MED13L: variants seen among roughly 807,000 people sequenced by gnomAD.
MED13L encodes the protein mediator complex subunit 13L, also known as mediator of RNA polymerase II transcription subunit 13-like.
A neutral mutation model predicts 220.9 loss-of-function variants in MED13L; 7 were observed. The observed-to-expected ratio is 0.03, with a 90% CI of 0.02 to 0.06. The LOEUF (loss-of-function observed/expected upper bound fraction) is 0.06. Ranked by LOEUF, MED13L falls within the 10% of genes least tolerant of loss-of-function variation. MED13L has a pLI of 1.00. For synonymous variants in MED13L, 1,011 were observed against 1,015.2 expected (o/e 1.00, Z 0.08); for missense variants, 1,965 against 2,760.5 (o/e 0.71, Z 6.46).
chr12:115,992,670 C>G (rs1435247115), intron 16 of MED13L, among the ~76,000 whole-genome samples: 1 of 152,164 alleles, frequency 6.6e-6, no homozygotes, highest in African/African-American at 2.4e-5. Context: ...TAGGTGGTTG[C>G]ACAGAAGTAC....
chr12:116,253,753 GTTTTTTTTTTTTTTT>G (rs746923184), intron 1 of MED13L, among the ~76,000 whole-genome samples: 2 of 76,492 alleles, frequency 2.6e-5, no homozygotes, highest in Non-Finnish European at 5.0e-5. Flanking sequence ...GGTTTTTTTT[GTTTTTTTTTTTTTTT>G]TTTTTTTTTT....
intron 4 of MED13L, among the ~76,000 whole-genome samples, chr12:116,041,322 C>CAGGA (rs1881512508): frequency 6.6e-6 from 1 of 152,120 alleles, no homozygotes. Context: ...CCTTCTACCA[C>CAGGA]GATTGTAAGT....
chr12:116,031,355 G>A (rs551189912), intron 4 of MED13L, among the ~76,000 whole-genome samples: 101 of 151,884 alleles, frequency 6.6e-4, no homozygotes, highest in African/African-American at 2.1e-3. Context: ...AGAGGCGGGC[G>A]GATCACGAGG....
At chr12:116,271,086 C>G (rs1275393883) in intron 1 of MED13L, among the ~76,000 whole-genome samples, 1 of 115,668 alleles carries the variant, frequency 8.6e-6, no homozygotes, top group African/African-American at 3.2e-5. Flanking sequence ...ATTATCTGAA[C>G]AAGCTCAGAA....
chr12:116,213,231 G>C (rs1882808162), intron 2 of MED13L, among the ~76,000 whole-genome samples: 1 of 151,968 alleles, frequency 6.6e-6, no homozygotes, highest in African/African-American at 2.4e-5. Context: ...GGGCAGACAA[G>C]GTGGACAAGA....
At chr12:116,035,021 A>G (rs1319162633) in intron 4 of MED13L, among the ~76,000 whole-genome samples, 3 of 152,130 alleles carry the variant, frequency 2.0e-5, no homozygotes, top group Non-Finnish European at 2.9e-5. Context: ...AAACAAAACA[A>G]AACAAAACAA....
In MED13L at chr12:115,982,369, C is replaced by A; in HGVS notation, c.5175+15G>T. On this transcript the variant is annotated intron_variant, in intron 22 of 30. Transcript: ENST00000281928. ...AACAACATCAAAAGTAAATAATAAA[C>A]TTGCAAACAGTAACCTGGAGAATGA... 1.3e-6 allele frequency: 2 copies of A among 1,591,284 alleles called. No homozygotes were observed. Among genetic ancestry groups the A allele is most frequent in the Non-Finnish European group, 1.7e-6 (2 of 1,159,306 alleles).
At chr12:115,983,603 A>T in intron 20 of MED13L, 63 bp from the exon 21 acceptor site, 1 of 1,552,514 alleles carries the variant, frequency 6.4e-7, no homozygotes, top group South Asian at 1.1e-5. Context: ...CTGAACCAGA[A>T]TCTAGAATGG....
chr12:116,059,965 C>T (rs1869302428), intron 4 of MED13L, among the ~76,000 whole-genome samples: 1 of 152,102 alleles, frequency 6.6e-6, no homozygotes, highest in South Asian at 2.1e-4. Flanking sequence ...AAACAAATCA[C>T]TGTGATATAG....
intron 8 of MED13L, among the ~76,000 whole-genome samples, chr12:116,013,690 A>G (rs1010965700): frequency 6.6e-6 from 1 of 152,254 alleles, no homozygotes; most frequent in Non-Finnish European, 1.5e-5. Context: ...ATCACTGATA[A>G]TTGGTAGCGA....
chr12:116,229,516 G>C (rs1242344396), intron 2 of MED13L, among the ~76,000 whole-genome samples: 1 of 152,008 alleles, frequency 6.6e-6, no homozygotes, highest in Non-Finnish European at 1.5e-5. Context: ...ATCTCAGTAT[G>C]TCTCATTTTT....
At chr12:116,201,969 AATTT>A in intron 2 of MED13L, among the ~76,000 whole-genome samples, 1 of 152,216 alleles carries the variant, frequency 6.6e-6, no homozygotes, top group South Asian at 2.1e-4. Context: ...GTAAGCTGTA[AATTT>A]GAAAATTTAA....
intron 2 of MED13L, among the ~76,000 whole-genome samples, chr12:116,231,589 G>C (rs1196623633): frequency 6.6e-6 from 1 of 152,110 alleles, no homozygotes; most frequent in Non-Finnish European, 1.5e-5. Flanking sequence ...CAGAGAGAGA[G>C]AAAACTATAA....
chr12:116,049,542 G>C (rs964095005), intron 4 of MED13L, among the ~76,000 whole-genome samples: 1 of 152,094 alleles, frequency 6.6e-6, no homozygotes, highest in Non-Finnish European at 1.5e-5. Context: ...TTTGCAGTTA[G>C]GAAAAAATAG....
At chr12:116,042,435 A>G (rs1042856996) in intron 4 of MED13L, among the ~76,000 whole-genome samples, 6 of 152,200 alleles carry the variant, frequency 3.9e-5, no homozygotes, top group African/African-American at 1.4e-4. Context: ...AATATCCCAT[A>G]CAGGCTGATT....
chr12:116,077,428 A>G (rs1396038508), intron 4 of MED13L, among the ~76,000 whole-genome samples: 1 of 152,250 alleles, frequency 6.6e-6, no homozygotes, highest in Admixed American at 6.5e-5. Flanking sequence ...TAAATAAGGT[A>G]GACCAAGTAT....
intron 4 of MED13L, among the ~76,000 whole-genome samples, chr12:116,092,829 G>C (rs943827786): frequency 6.6e-6 from 1 of 152,042 alleles, no homozygotes; most frequent in African/African-American, 2.4e-5. Context: ...TAGAATATCT[G>C]AAAACATGTG....
intron 9 of MED13L, 76 bp from the exon 10 acceptor site, chr12:116,009,208 G>T (rs1879241453): frequency 6.8e-7 from 1 of 1,473,872 alleles, no homozygotes; most frequent in Non-Finnish European, 9.4e-7. Context: ...GCCTTTTAAA[G>T]CATACATTAG....
chr12:116,182,768 A>G (rs1271927676), intron 2 of MED13L, among the ~76,000 whole-genome samples: 1 of 152,156 alleles, frequency 6.6e-6, no homozygotes, highest in African/African-American at 2.4e-5. Context: ...CATATATTAC[A>G]TGTTTACTCT....
Sources: gnomAD v4.1 joint callset for allele counts (sites outside exome capture counted in the v4.1 genomes callset) on GRCh38, gnomAD v4.1.1 for gene constraint, MANE v1.5 for transcripts, NCBI Gene and HGNC (gene_info 2026-07-23, HGNC 2026-07-21) for gene names.